CABLES2: variants seen among roughly 807,000 people sequenced by gnomAD.
CABLES2 encodes CDK5 and ABL1 enzyme substrate 2.
CABLES2 carries 35 observed loss-of-function variants against 44.8 expected under a neutral mutation model. The observed-to-expected ratio is 0.78, with a 90% CI of 0.60 to 1.04. The LOEUF (loss-of-function observed/expected upper bound fraction) is 1.04, where lower values mean the gene tolerates loss of function less well. Ranked by LOEUF, CABLES2 falls within the 50% of genes least tolerant of loss-of-function variation. The probability of loss-of-function intolerance (pLI) is 0.00; values close to 1 mark genes in which losing one functional copy is unlikely to be tolerated. For synonymous variants in CABLES2, 282 were observed against 281.1 expected, an observed-to-expected ratio of 1.00 and a Z score of -0.03; for missense variants, 566 against 615.7, an observed-to-expected ratio of 0.92 and a Z score of 0.85.
chr20:62,390,151 A>G lies in CABLES2; in HGVS notation c.*820T>C, dbSNP rs1367950741. The stretch of plus-strand genomic sequence containing the variant: ...GAAAAATAAGAGCCGGCAAGCAGCA[A>G]TTGTCCTGGAGGCCCAGAGTGTCTC... On this transcript the variant is annotated 3_prime_UTR_variant, in exon 10 of 10. Transcript: ENST00000279101. 2 of 152,590 alleles carry G rather than the reference A, an allele frequency of 1.3e-5. No individual in the cohort carries two copies. The highest frequency in any genetic ancestry group is 4.8e-5 in the African/African-American group (2 of 41,556). 9.5% of individuals were successfully genotyped at this position (152,590 alleles called of 1,614,324 possible). A position where few individuals can be genotyped will look rare whatever the true frequency, so the allele number is the denominator to read the frequency against.
At chr20:62,401,230 T>C (rs975251319) in intron 1 of CABLES2, among the ~76,000 whole-genome samples, 1 of 152,228 alleles carries the variant, frequency 6.6e-6, no homozygotes, top group African/African-American at 2.4e-5. Context: ...CTGACAATGC[T>C]GAAGGAGGTG....
rs527400331 is a variant in CABLES2 at position 62,390,111 on chromosome 20, T to C, written c.*860A>G. On this transcript the variant is annotated 3_prime_UTR_variant, in exon 10 of 10. Coordinates refer to ENST00000279101, the MANE Select transcript of CABLES2 (RefSeq NM_031215.3). ...CCAATAAATATGTTATTTTTCTCCATCACAATATTGCTTAGAAAAATAAGA... is the reference window on the plus strand; with the variant it reads ...CCAATAAATATGTTATTTTTCTCCACCACAATATTGCTTAGAAAAATAAGA... The C allele has an allele frequency of 6.6e-6, 1 of 152,492 alleles. No homozygotes were observed. Among genetic ancestry groups the C allele is most frequent in the South Asian group, 2.1e-4 (1 of 4,814 alleles). The allele number at this position is 152,492 out of a possible 1,614,324, so 9.4% of individuals were successfully genotyped here.
rs147017711 is a variant in CABLES2, at chr20:62,393,574, G to A, written c.746C>T (p.Thr249Ile). ...VVSYAKFLYP[T>I]NALVTHKSDS... ...ACTCTTGTGTGTGACCAGGGCGTTG[G>A]TGGGATACAGGAACTTCGCATAAGA... Residue 249 changes from threonine to isoleucine, a missense_variant, in exon 6 of 10, where the codon ACC becomes ATC. Physicochemically the swap from Thr to Ile is moderately conservative, Grantham distance 89. Coordinates refer to ENST00000279101, the MANE Select transcript of CABLES2 (RefSeq NM_031215.3). 1.9e-5 allele frequency: 31 copies of A among 1,608,356 alleles called. No homozygotes were observed. Among genetic ancestry groups the A allele is most frequent in the Non-Finnish European group, 2.5e-5 (29 of 1,177,182 alleles).
At chr20:62,395,999 C>A (rs376954860) in intron 3 of CABLES2, among the ~76,000 whole-genome samples, 10 of 152,252 alleles carry the variant, frequency 6.6e-5, no homozygotes, top group Admixed American at 6.5e-4. Context: ...CCACACATCT[C>A]ACAGCCACAC....
intron 1 of CABLES2, among the ~76,000 whole-genome samples, chr20:62,397,395 C>T (rs1039834017): frequency 6.6e-6 from 1 of 152,202 alleles, no homozygotes; most frequent in East Asian, 1.9e-4. Context: ...TTAGTGCCTG[C>T]CCTCCTGCCT....
chr20:62,397,668 C>G (rs934022451), intron 1 of CABLES2, among the ~76,000 whole-genome samples: 1 of 152,230 alleles, frequency 6.6e-6, no homozygotes, highest in Non-Finnish European at 1.5e-5. Flanking sequence ...AAGCTTTGTT[C>G]TCTCCCTTAT....
intron 1 of CABLES2, among the ~76,000 whole-genome samples, chr20:62,397,190 C>T (rs1338003256): frequency 1.3e-5 from 2 of 152,190 alleles, no homozygotes; most frequent in Non-Finnish European, 2.9e-5. Flanking sequence ...GTGGCCACCT[C>T]TTTCTGAACT....
Position 62,407,132 on chromosome 20 carries a change from G to A in CABLES2, c.145C>T (p.Leu49Phe), listed in dbSNP as rs1988311769. 4 of 1,027,134 alleles carry A rather than the reference G, an allele frequency of 3.9e-6. No homozygotes were observed. The highest frequency in any genetic ancestry group is 4.7e-6 in the Non-Finnish European group (4 of 855,416). The allele number at this position is 1,027,134 out of a possible 1,614,324, so 63.6% of individuals were successfully genotyped here. ...RGDSRRRQAA[L>F]FFLNNISLDG... is the part of the protein sequence containing the mutation. ...AGGGAGATGTTGTTGAGGAAGAAAA[G>A]CGCGGCCTGGCGGCGCCGCGAGTCC... The change falls in exon 1 of 10, where the codon CTT becomes TTT. Residue 49 changes from leucine to phenylalanine, a missense_variant. Coordinates refer to ENST00000279101, the MANE Select transcript of CABLES2 (RefSeq NM_031215.3).
rs200045360 is a variant in CABLES2, at chr20:62,392,971, C to T, written c.933G>A (p.Pro311=). The change falls in exon 7 of 10, where the codon CCG becomes CCA. Residue 311 remains proline (P), a synonymous_variant. Coordinates refer to ENST00000279101, the MANE Select transcript of CABLES2 (RefSeq NM_031215.3). ...LEYNPNLLDD[P]QWPCGKHKRV... ...GTTTGTGCTTGCCGCAGGGCCACTG[C>T]GGGTCATCCAGGAGGTTGGGGTTGT... is the stretch of plus-strand genomic sequence containing the variant. The T allele has an allele frequency of 3.2e-4, 519 of 1,613,956 alleles. No individual in the cohort carries two copies. Among genetic ancestry groups the T allele is most frequent in the Non-Finnish European group, 4.1e-4 (487 of 1,180,026 alleles).
At chr20:62,399,197 G>T (rs562734055) in intron 1 of CABLES2, among the ~76,000 whole-genome samples, 3 of 151,698 alleles carry the variant, frequency 2.0e-5, no homozygotes, top group South Asian at 2.1e-4. Flanking sequence ...TGATCCGCTG[G>T]CCTCGGCCTC....
intron 1 of CABLES2, among the ~76,000 whole-genome samples, 156 bp downstream of exon 1, chr20:62,406,747 TTGTCCTGGCCTC>T (rs1988298233): frequency 6.7e-6 from 1 of 149,762 alleles, no homozygotes; most frequent in Admixed American, 6.6e-5. Context: ...CCCAACCCCT[TTGTCCTGGCCTC>T]TGTCCAGGGC....
chr20:62,398,040 G>GCGA (rs1988074169), intron 1 of CABLES2, among the ~76,000 whole-genome samples: 1 of 144,278 alleles, frequency 6.9e-6, no homozygotes, highest in Non-Finnish European at 1.5e-5. Context: ...GACAGTGATG[G>GCGA]TGATGGTGGT....
Position 62,391,219 on chromosome 20 carries a change from C to G in CABLES2, c.1296+30G>C, listed in dbSNP as rs1470078602. 6.2e-7 allele frequency: 1 copy of G among 1,602,746 alleles called. No individual in the cohort carries two copies. Among genetic ancestry groups the G allele is most frequent in the Admixed American group, 1.7e-5 (1 of 59,896 alleles). Reference sequence around the variant, plus strand: ...GCCCTGGCTCGATGTCATGACCCTGCCTGCAGTGCCTGCCGAGCCGGGCAC... The same window carrying G: ...GCCCTGGCTCGATGTCATGACCCTGGCTGCAGTGCCTGCCGAGCCGGGCAC... On this transcript the variant is annotated intron_variant, in intron 9 of 9. Coordinates refer to ENST00000279101, the MANE Select transcript of CABLES2 (RefSeq NM_031215.3). This position sits in a 1 kb window ranked among gnomAD's most constrained non-coding sequence, Gnocchi z 5.7.
In CABLES2 at chr20:62,397,939, T is replaced by TGGC. The variant is rs1456912385; in HGVS notation, c.363-1348_363-1347insGCC. Among the ~76,000 whole-genome samples the TGGC allele has an allele frequency of 2.8e-4, 22 of 78,846 alleles. No homozygotes were observed. In the South Asian group the frequency reaches 4.0e-3, roughly 14 times the overall value. The allele number at this position is 78,846 out of a possible 152,430, so 51.7% of individuals were successfully genotyped here. A position where few individuals can be genotyped will look rare whatever the true frequency, so the allele number is the denominator to read the frequency against. ...GCAGTGGTGATGGTGGTGGTGGTGA[T>TGGC]GGTGGTGACGGTAGTGGTGGTGATG... On this transcript the variant is annotated intron_variant, in intron 1 of 9. Transcript: ENST00000279101.
intron 1 of CABLES2, among the ~76,000 whole-genome samples, chr20:62,398,819 C>T (rs997058713): frequency 9.2e-5 from 14 of 152,266 alleles, no homozygotes; most frequent in African/African-American, 2.2e-4. Flanking sequence ...CAACACTCGA[C>T]GGCTCACAGT....
At position 62,395,057 on chromosome 20, in the gene CABLES2, G is replaced by C. The variant is rs550054984; in HGVS notation, c.528-43C>G. The C allele has an allele frequency of 1.2e-5, 18 of 1,461,622 alleles. No individual in the cohort carries two copies. The East Asian group carries it at 4.1e-4, about 33-fold the overall frequency. The allele number at this position is 1,461,622 out of a possible 1,614,324, so 90.5% of individuals were successfully genotyped here. ...CAGGGGAGACGGGGCCGGGGAGCGG[G>C]GCTCAAGGTACTGCTGCTTCCAGAG... On this transcript the variant is annotated intron_variant, in intron 3 of 9. Transcript: ENST00000279101.
intron 5 of CABLES2, 32 bp from the exon 6 acceptor site, chr20:62,393,637 T>C: frequency 6.5e-7 from 1 of 1,538,778 alleles, no homozygotes; most frequent in Non-Finnish European, 8.8e-7. Flanking sequence ...GCCTCAGCTC[T>C]GCCTCCCGGG....
At position 62,392,926 on chromosome 20, in the gene CABLES2, C is replaced by A. The variant is rs772837067; in HGVS notation, c.978G>T (p.Ser326=). Residue 326 remains serine, a synonymous_variant, in exon 7 of 10, where the codon TCG becomes TCT. Transcript: ENST00000279101. ...CCTGGGAGAGGGCACTCACCATGTA[C>A]GACGCAAAGATGAGGACACGTTTGT... ...GKHKRVLIFA[S]YMTTVIEYVK... The A allele has an allele frequency of 2.9e-5, 46 of 1,613,478 alleles. No individual in the cohort carries two copies. The highest frequency in any genetic ancestry group is 3.9e-5 in the Non-Finnish European group (46 of 1,179,710).
Position 62,388,732 on chromosome 20 carries a change from T to TA in CABLES2, c.*2238_*2239insT. The TA allele has an allele frequency of 1.8e-6, 1 of 541,786 alleles. No individual in the cohort carries two copies. The highest frequency in any genetic ancestry group is 3.3e-6 in the Non-Finnish European group (1 of 304,806). 33.6% of individuals were successfully genotyped at this position (541,786 alleles called of 1,614,324 possible). A position where few individuals can be genotyped will look rare whatever the true frequency, so the allele number is the denominator to read the frequency against. ...CATTCTGAGGTCTGATACTTGCTTA[T>TA]GCACACTGACATCCACAACTGCTAC... On this transcript the variant is annotated 3_prime_UTR_variant, in exon 10 of 10. Coordinates refer to ENST00000279101, the MANE Select transcript of CABLES2 (RefSeq NM_031215.3).
Sources: allele counts gnomAD v4.1 joint callset (sites outside exome capture counted in the v4.1 genomes callset), GRCh38; gene constraint gnomAD v4.1.1; non-coding constraint Gnocchi (gnomAD v3.1); transcripts MANE v1.5; gene names NCBI Gene and HGNC (gene_info 2026-07-23, HGNC 2026-07-21).